The following RNF103 variants were observed in gnomAD, a reference collection of about 807,000 sequenced individuals.
The protein encoded by RNF103 is E3 ubiquitin-protein ligase RNF103.
In RNF103, 23 loss-of-function variants were observed where a neutral mutation model predicts 66.2. The ratio of observed to expected loss-of-function variants is 0.35; its 90% CI spans 0.25 to 0.49. The LOEUF (loss-of-function observed/expected upper bound fraction) is 0.49, where lower values mean the gene tolerates loss of function less well. Ranked by LOEUF, RNF103 falls within the 20% of genes least tolerant of loss-of-function variation. The pLI is 0.98. For synonymous variants in RNF103, 297 were observed against 289.9 expected, an observed-to-expected ratio of 1.02 and a Z score of -0.25; for missense variants, 730 against 814.7, an observed-to-expected ratio of 0.90 and a Z score of 1.27.
At chr2:86,615,223 GT>G (rs1269849766) in intron 2 of RNF103, 2 of 985,186 alleles carry the variant, frequency 2.0e-6, no homozygotes, top group Non-Finnish European at 2.4e-6. Flanking sequence ...CTAGCATTTG[GT>G]TTTGAAGAGT....
rs1459957191 is a variant in RNF103, at chr2:86,604,670, T to A, written c.1231A>T (p.Met411Leu). 1.2e-6 allele frequency: 2 copies of A among 1,614,146 alleles called. No individual in the cohort carries two copies. The highest frequency in any genetic ancestry group is 1.6e-4 in the Middle Eastern group (1 of 6,062). ...AGGGCTGGGTGTGAAGAGTAAAACA[T>A]CCAGTCTGCCCTTACCCATGAAGCC... ...TLASWVRADW[M>L]FYSSHPALFL... The change falls in exon 4 of 4, where the codon ATG becomes TTG. Residue 411 changes from methionine (M) to leucine (L), a missense_variant. Transcript: ENST00000237455.
chr2:86,617,064 CTT>C (rs1308247377), intron 2 of RNF103: 1 of 985,166 alleles, frequency 1.0e-6, no homozygotes, highest in Non-Finnish European at 1.2e-6. Context: ...TTAGGAATAA[CTT>C]AGAAAAAAGA....
At chr2:86,622,575 A>T in intron 1 of RNF103, 86 bp downstream of exon 1, 6 of 1,350,954 alleles carry the variant, frequency 4.4e-6, no homozygotes, top group Non-Finnish European at 6.3e-6. Flanking sequence ...GAAAGGCCTC[A>T]CTCTGGGGGA....
intron 2 of RNF103, chr2:86,618,002 C>A (rs1679090458): frequency 2.2e-6 from 1 of 464,024 alleles, no homozygotes; most frequent in Non-Finnish European, 4.3e-6. Flanking sequence ...TCAATGCAAA[C>A]CTTGAGCATC....
chr2:86,612,135 C>T (rs1188676330), intron 3 of RNF103, 24 bp downstream of exon 3: 8 of 1,507,780 alleles, frequency 5.3e-6, no homozygotes, highest in Non-Finnish European at 6.4e-6. Context: ...GACTCAAATT[C>T]TAAGAATTGC....
At position 86,620,576 on chromosome 2, in the gene RNF103, A is replaced by G. The variant is rs1261402242; in HGVS notation, c.227-107T>C. ...TTAAGAATCATGATATTGTACTTTC[A>G]TTGTATTTTATAGACAAGAACTACT... On this transcript the variant is annotated intron_variant, in intron 1 of 3. Coordinates refer to ENST00000237455, the MANE Select transcript of RNF103 (RefSeq NM_005667.4). The G allele has an allele frequency of 3.8e-6, 5 of 1,308,576 alleles. No homozygotes were observed. In the East Asian group the frequency reaches 1.0e-4, roughly 27 times the overall value. 81.1% of individuals were successfully genotyped at this position (1,308,576 alleles called of 1,614,324 possible).
chr2:86,623,518 A>G lies in RNF103; in HGVS notation c.-632T>C, dbSNP rs1445714372. On this transcript the variant is annotated 5_prime_UTR_variant, in exon 1 of 4. Transcript: ENST00000237455. ...AGGCCCCAGGCCCCGCCGACCGCCCAGGCTCCGCGAGAAGAGCGGCGGGCA... is the reference window on the plus strand; with the variant it reads ...AGGCCCCAGGCCCCGCCGACCGCCCGGGCTCCGCGAGAAGAGCGGCGGGCA... 1 of 984,296 alleles carries G rather than the reference A, an allele frequency of 1.0e-6. No homozygotes were observed. The highest frequency in any genetic ancestry group is 1.2e-6 in the Non-Finnish European group (1 of 829,842). The allele number at this position is 984,296 out of a possible 1,614,324, so 61.0% of individuals were successfully genotyped here. A position where few individuals can be genotyped will look rare whatever the true frequency, so the allele number is the denominator to read the frequency against.
rs951233404 is a variant in RNF103, at chr2:86,623,861, A to T, written c.-975T>A. On this transcript the variant is annotated 5_prime_UTR_variant, in exon 1 of 4. An upstream start codon of the reference 5' UTR is lost. Transcript: ENST00000237455. ...CGGCGGCCGCGGCCGGAGCCGAGAC[A>T]TAACAACTGACGTCGCGATGAGGCG... 29 of 1,287,588 alleles carry T rather than the reference A, an allele frequency of 2.3e-5. No homozygotes were observed. The highest frequency in any genetic ancestry group is 2.8e-5 in the Non-Finnish European group (28 of 988,208). 79.8% of individuals were successfully genotyped at this position (1,287,588 alleles called of 1,614,324 possible).
At position 86,604,391 on chromosome 2, in the gene RNF103, T is replaced by A. The variant is rs1678464459; in HGVS notation, c.1510A>T (p.Ile504Leu). ...AFPDLWLHPL[I>L]PTDYIKNLPM... is the part of the protein sequence containing the mutation. ...AAGTTTTTAATATAATCAGTTGGTA[T>A]CAGAGGGTGAAGCCAAAGGTCAGGG... Residue 504 changes from isoleucine to leucine, a missense_variant, in exon 4 of 4, where the codon ATA becomes TTA. Ile to Leu is a conservative substitution (Grantham distance 5). This residue lies in a region of RNF103 where 355 missense variants were observed against 351.9 expected (regional missense o/e 1.01). Transcript: ENST00000237455. 6.2e-7 allele frequency: 1 copy of A among 1,614,094 alleles called. No homozygotes were observed. The highest frequency in any genetic ancestry group is 1.1e-5 in the South Asian group (1 of 91,084).
chr2:86,609,428 C>A (rs944987166), intron 3 of RNF103, among the ~76,000 whole-genome samples: 2 of 149,258 alleles, frequency 1.3e-5, no homozygotes, highest in Admixed American at 1.3e-4. Context: ...TCTTGTCACC[C>A]AGGCTTGGAG....
intron 1 of RNF103, among the ~76,000 whole-genome samples, chr2:86,622,424 A>T (rs573407348): frequency 6.6e-6 from 1 of 152,296 alleles, no homozygotes; most frequent in South Asian, 2.1e-4. Context: ...GCCACACTTT[A>T]AACTGTCATT....
At position 86,604,628 on chromosome 2, in the gene RNF103, G is replaced by A. The variant is rs140169526; in HGVS notation, c.1273C>T (p.Leu425Phe). Residue 425 changes from leucine (L) to phenylalanine (F), a missense_variant, in exon 4 of 4, where the codon CTT (leucine) becomes TTT (phenylalanine). Leu to Phe is a conservative substitution (Grantham distance 22). Around this residue, in one of 3 missense-constraint regions of RNF103, gnomAD observed 355 missense variants for 351.9 expected, o/e 1.01. Coordinates refer to ENST00000237455, the MANE Select transcript of RNF103 (RefSeq NM_005667.4). ...TAATCAATTAGTAAACCATGACCAA[G>A]GTATGTACTGAGAAACAGGGCTGGG... is the stretch of plus-strand genomic sequence containing the variant. Reference protein sequence around the residue: ...SHPALFLSTYLGHGLLIDYFE... With the variant: ...SHPALFLSTYFGHGLLIDYFE... 1 of 1,614,088 alleles carries A rather than the reference G, an allele frequency of 6.2e-7. No homozygotes were observed. The highest frequency in any genetic ancestry group is 2.2e-5 in the East Asian group (1 of 44,870).
chr2:86,619,608 C>G (rs1679147492), intron 2 of RNF103, among the ~76,000 whole-genome samples: 1 of 152,100 alleles, frequency 6.6e-6, no homozygotes, highest in South Asian at 2.1e-4. Context: ...AACTTTAGTC[C>G]TGTCCTAAGC....
In RNF103 at chr2:86,623,585, C is replaced by T. The variant is rs1279104981; in HGVS notation, c.-699G>A. 5.0e-6 allele frequency: 5 copies of T among 999,832 alleles called. No individual in the cohort carries two copies. Among genetic ancestry groups the T allele is most frequent in the Non-Finnish European group, 4.8e-6 (4 of 838,326 alleles). 61.9% of individuals were successfully genotyped at this position (999,832 alleles called of 1,614,324 possible). ...TTCGCTCGGGCCGGCTGGCGGGCGGCGCCTCTCAGGCGGGCGGGCACTGCG... is the reference window on the plus strand; with the variant it reads ...TTCGCTCGGGCCGGCTGGCGGGCGGTGCCTCTCAGGCGGGCGGGCACTGCG... On this transcript the variant is annotated 5_prime_UTR_variant, in exon 1 of 4. Coordinates refer to ENST00000237455, the MANE Select transcript of RNF103 (RefSeq NM_005667.4).
intron 3 of RNF103, among the ~76,000 whole-genome samples, chr2:86,608,886 C>T (rs1035343118): frequency 6.6e-6 from 1 of 152,198 alleles, no homozygotes; most frequent in Admixed American, 6.5e-5. Flanking sequence ...GGCAAGGCCA[C>T]TCCTTCTGGG....
At chr2:86,615,546 T>C (rs146724531) in intron 2 of RNF103, among the ~76,000 whole-genome samples, 184 of 148,804 alleles carry the variant, frequency 1.2e-3, no homozygotes, top group Non-Finnish European at 2.2e-3. Context: ...ATAATATATA[T>C]ACACACACAC....
chr2:86,605,522 C>T lies in RNF103; in HGVS notation c.483-104G>A. 3.3e-6 allele frequency: 4 copies of T among 1,220,308 alleles called. No individual in the cohort carries two copies. In the East Asian group the frequency reaches 7.8e-5, roughly 24 times the overall value. 75.6% of individuals were successfully genotyped at this position (1,220,308 alleles called of 1,614,324 possible). A position where few individuals can be genotyped will look rare whatever the true frequency, so the allele number is the denominator to read the frequency against. ...CCTCACCCCAAAGCCAAATAATTTC[C>T]AAATAATCAAAAAGTGGTACCACTA... is the stretch of plus-strand genomic sequence containing the variant. On this transcript the variant is annotated intron_variant, in intron 3 of 3. Transcript: ENST00000237455.
At chr2:86,609,051 A>C (rs1244133630) in intron 3 of RNF103, among the ~76,000 whole-genome samples, 2 of 152,180 alleles carry the variant, frequency 1.3e-5, no homozygotes, top group Admixed American at 1.3e-4. Flanking sequence ...CCAGTGTGGC[A>C]GTGTTGAGAG....
chr2:86,612,114 A>G (rs1306544089), intron 3 of RNF103, 45 bp downstream of exon 3: 1 of 1,273,068 alleles, frequency 7.9e-7, no homozygotes, highest in Non-Finnish European at 1.1e-6. Context: ...AATAAGAAAG[A>G]TCCTGGTCAG....
Sources: allele counts gnomAD v4.1 joint callset (sites outside exome capture counted in the v4.1 genomes callset), GRCh38; gene constraint gnomAD v4.1.1; regional missense constraint gnomAD v4.1.1; transcripts MANE v1.5; gene names NCBI Gene and HGNC (gene_info 2026-07-23, HGNC 2026-07-21).